Variants in HCCS observed in about 807,000 individuals in gnomAD.
HCCS encodes holocytochrome c synthase.
A neutral mutation model predicts 24.2 loss-of-function variants in HCCS; 2 were observed. That is an observed-to-expected ratio of 0.08 (90% CI 0.03 to 0.26). The LOEUF is 0.26. HCCS is among the 10% of genes least tolerant of loss of function. HCCS has a pLI of 1.00. For missense variants in HCCS, 150 were observed against 213.3 expected, an observed-to-expected ratio of 0.70 and a Z score of 1.85; for synonymous variants, 73 against 76.2, an observed-to-expected ratio of 0.96 and a Z score of 0.22.
intron 3 of HCCS, among the ~76,000 whole-genome samples, chrX:11,116,962 C>T (rs909974115): frequency 2.7e-5 from 3 of 112,426 alleles, no homozygotes; most frequent in Non-Finnish European, 3.8e-5. Flanking sequence ...GCCTGAAGAT[C>T]GTGGCGTTAG....
In HCCS at chrX:11,114,909, C is replaced by A. The variant is rs200354469; in HGVS notation, c.175C>A (p.Arg59Ser). 15 of 1,202,657 alleles carry A rather than the reference C, an allele frequency of 1.2e-5. No homozygotes were observed. The highest frequency in any genetic ancestry group is 1.7e-5 in the Non-Finnish European group (15 of 888,369). Residue 59 changes from arginine to serine, a missense_variant, in exon 3 of 7, where the codon CGC (arginine) becomes AGC (serine). By Grantham distance (110) the Arg-to-Ser change is moderately radical. Transcript: ENST00000380762. ...ATACTCTGTGCCTGCCCACCAGGAA[C>A]GCGCCTATGAGTACGTGGAGTGTCC... ...KTYSVPAHQE[R>S]AYEYVECPIR...
intron 4 of HCCS, among the ~76,000 whole-genome samples, chrX:11,118,075 G>C (rs750152954): frequency 2.4e-4 from 27 of 112,197 alleles, no homozygotes; most frequent in Middle Eastern, 4.6e-3. Context: ...GCATAGTCAG[G>C]TTGACACATA....
chrX:11,112,204 A>C, intron 2 of HCCS, 44 bp downstream of exon 2: 1 of 1,024,350 alleles, frequency 9.8e-7, no homozygotes, highest in Admixed American at 2.2e-5. Context: ...AAGATAATTC[A>C]CGGCTGGGTG....
At chrX:11,111,946 G>A in intron 1 of HCCS, 73 bp from the exon 2 acceptor site, 2 of 586,942 alleles carry the variant, frequency 3.4e-6, no homozygotes, top group Admixed American at 2.4e-5. Flanking sequence ...GAGGAACAAG[G>A]GTTGACCAGA....
chrX:11,111,344 G>C lies in HCCS; in HGVS notation c.-217G>C, dbSNP rs1164583851. On this transcript the variant is annotated 5_prime_UTR_variant, in exon 1 of 7. Transcript: ENST00000380762. Reference sequence around the variant, plus strand: ...GGTGACCGCAGCCACAGCGGTGACCGAGTGAGAGGAAGGCGGCGGCGGCGG... The same window carrying C: ...GGTGACCGCAGCCACAGCGGTGACCCAGTGAGAGGAAGGCGGCGGCGGCGG... 2 of 157,046 alleles carry C rather than the reference G, an allele frequency of 1.3e-5. No individual in the cohort carries two copies. The highest frequency in any genetic ancestry group is 8.5e-5 in the Admixed American group (1 of 11,719). 12.9% of individuals were successfully genotyped at this position (157,046 alleles called of 1,213,427 possible).
chrX:11,112,220 G>A, intron 2 of HCCS, 60 bp downstream of exon 2: 1 of 901,927 alleles, frequency 1.1e-6, no homozygotes, highest in East Asian at 3.2e-5. Flanking sequence ...GGGTGCGGTG[G>A]TTCACGCCTG....
chrX:11,111,844 G>A (rs1357093816), intron 1 of HCCS, among the ~76,000 whole-genome samples, 175 bp from the exon 2 acceptor site: 1 of 112,563 alleles, frequency 8.9e-6, no homozygotes, highest in Non-Finnish European at 1.9e-5. Flanking sequence ...GTTGGCCTGG[G>A]TTTCACAGTA....
intron 6 of HCCS, 97 bp downstream of exon 6, chrX:11,121,090 G>A: frequency 1.5e-6 from 1 of 686,552 alleles, no homozygotes; most frequent in South Asian, 2.1e-5. Flanking sequence ...GTGCCATCTT[G>A]CAAAACTTAA....
chrX:11,119,906 G>A (rs1473587366), intron 5 of HCCS: 10 of 266,184 alleles, frequency 3.8e-5, no homozygotes, highest in Non-Finnish European at 6.3e-5. Flanking sequence ...TCCTTCTCCA[G>A]TTATTTTCTG....
chrX:11,118,486 A>C lies in HCCS; in HGVS notation c.402-15A>C. 2 of 1,192,823 alleles carry C rather than the reference A, an allele frequency of 1.7e-6. No homozygotes were observed. The highest frequency in any genetic ancestry group is 1.1e-6 in the Non-Finnish European group (1 of 878,282). On this transcript the variant is annotated splice_polypyrimidine_tract_variant and intron_variant, in intron 4 of 6. Transcript: ENST00000380762. ...CAGGAACAGTTGTCAAATTTTACCA[A>C]ATATTCTTTCCTAGGTGGAAGTGGA...
In HCCS at chrX:11,112,143, A is replaced by G. The variant is rs776335746; in HGVS notation, c.83A>G (p.His28Arg). 3 of 1,197,410 alleles carry G rather than the reference A, an allele frequency of 2.5e-6. No homozygotes were observed. Reference protein sequence around the residue: ...SASPPSGCPMHEGKMKGCPVN... With the variant: ...SASPPSGCPMREGKMKGCPVN... ...TCCCCACCTTCAGGATGCCCGATGCATGAAGGGAAAATGAAAGGTAATCGG... is the reference window on the plus strand; with the variant it reads ...TCCCCACCTTCAGGATGCCCGATGCGTGAAGGGAAAATGAAAGGTAATCGG... The change falls in exon 2 of 7, where the codon CAT becomes CGT. Residue 28 changes from histidine to arginine, a missense_variant. Coordinates refer to ENST00000380762, the MANE Select transcript of HCCS (RefSeq NM_005333.5).
chrX:11,121,941 T>A lies in HCCS; in HGVS notation c.*131T>A. On this transcript the variant is annotated 3_prime_UTR_variant, in exon 7 of 7. Transcript: ENST00000380762. ...GGGTAATCACACTTTTTCCTTCACTTAACGAAGGATACTATGCACTGTTCA... is the reference window on the plus strand; with the variant it reads ...GGGTAATCACACTTTTTCCTTCACTAAACGAAGGATACTATGCACTGTTCA... 1 of 531,936 alleles carries A rather than the reference T, an allele frequency of 1.9e-6. No individual in the cohort carries two copies. Among genetic ancestry groups the A allele is most frequent in the Non-Finnish European group, 3.2e-6 (1 of 309,345 alleles). 43.8% of individuals were successfully genotyped at this position (531,936 alleles called of 1,213,427 possible).
chrX:11,114,295 T>C (rs1005123378), intron 2 of HCCS, among the ~76,000 whole-genome samples: 9 of 112,881 alleles, frequency 8.0e-5, no homozygotes, highest in African/African-American at 2.9e-4. Flanking sequence ...GCATTCAGAT[T>C]TTTTTGCAGT....
chrX:11,115,096 CAG>C, intron 3 of HCCS, 110 bp downstream of exon 3: 1 of 661,844 alleles, frequency 1.5e-6, no homozygotes, highest in Admixed American at 2.3e-5. Flanking sequence ...CCTTTGAAAA[CAG>C]AGAAGTTAGA....
chrX:11,119,239 C>A lies in HCCS; in HGVS notation c.521+619C>A, dbSNP rs142608773. 8.1e-3 allele frequency among the ~76,000 whole-genome samples: 909 copies of A among 111,646 alleles called. 11 individuals are homozygous for A. Among genetic ancestry groups the A allele is most frequent in the African/African-American group, 0.028 (873 of 30,699 alleles). ...GGGAGGTGGGAAAGACATTTTTGTT[C>A]CCTCAATAGCATTTATTGAATCCCC... On this transcript the variant is annotated intron_variant, in intron 5 of 6. Coordinates refer to ENST00000380762, the MANE Select transcript of HCCS (RefSeq NM_005333.5).
rs886224674 is a variant in HCCS at position 11,122,886 on chromosome X, T to C, written c.*1076T>C. ...AATGACTGCTTTTTTTTTTTAACTG[T>C]CTATACTATTAAATCCTTTAATTTA... On this transcript the variant is annotated 3_prime_UTR_variant, in exon 7 of 7. Transcript: ENST00000380762. The C allele has an allele frequency of 1.8e-5, 2 of 111,324 alleles. No homozygotes were observed. The highest frequency in any genetic ancestry group is 6.5e-5 in the African/African-American group (2 of 30,581). 9.2% of individuals were successfully genotyped at this position (111,324 alleles called of 1,213,427 possible). A position where few individuals can be genotyped will look rare whatever the true frequency, so the allele number is the denominator to read the frequency against.
rs1018935328 is a variant in HCCS at position 11,121,955 on chromosome X, A to G, written c.*145A>G. On this transcript the variant is annotated 3_prime_UTR_variant, in exon 7 of 7. Coordinates refer to ENST00000380762, the MANE Select transcript of HCCS (RefSeq NM_005333.5). ...TTTCCTTCACTTAACGAAGGATACT[A>G]TGCACTGTTCACTTTTGACTTGTGT... 4.8e-5 allele frequency: 24 copies of G among 499,979 alleles called. No homozygotes were observed. Among genetic ancestry groups the G allele is most frequent in the African/African-American group, 3.5e-4 (15 of 42,880 alleles). The allele number at this position is 499,979 out of a possible 1,213,427, so 41.2% of individuals were successfully genotyped here.
intron 3 of HCCS, among the ~76,000 whole-genome samples, chrX:11,115,562 G>T (rs1011863523): frequency 8.9e-6 from 1 of 111,750 alleles, no homozygotes; most frequent in Non-Finnish European, 1.9e-5. Context: ...ACTTCAGAGG[G>T]CCACAGGATT....
intron 5 of HCCS, 55 bp from the exon 6 acceptor site, chrX:11,120,852 T>G: frequency 9.8e-7 from 1 of 1,019,434 alleles, no homozygotes; most frequent in Non-Finnish European, 1.4e-6. Flanking sequence ...GAACATCATC[T>G]TTGTCAAAGA....
Sources: gnomAD v4.1 joint callset for allele counts (sites outside exome capture counted in the v4.1 genomes callset) on GRCh38, gnomAD v4.1.1 for gene constraint, MANE v1.5 for transcripts, NCBI Gene and HGNC (gene_info 2026-07-23, HGNC 2026-07-21) for gene names.